The following ASH1L variants were observed in gnomAD, a reference collection of about 807,000 sequenced individuals.
ASH1L encodes the protein ASH1 like histone lysine methyltransferase, also known as histone-lysine N-methyltransferase ASH1L.
ASH1L carries 23 observed loss-of-function variants against 269.0 expected under a neutral mutation model. The ratio of observed to expected loss-of-function variants is 0.09; its 90% confidence interval spans 0.06 to 0.12. The LOEUF (loss-of-function observed/expected upper bound fraction) is 0.12. Among genes scored for constraint, ASH1L ranks in the 10% least tolerant of loss-of-function variants. ASH1L has a pLI of 1.00. For synonymous variants in ASH1L, 1,187 were observed against 1,253.5 expected (o/e 0.95, Z 1.12); for missense variants, 2,912 against 3,567.8 (o/e 0.82, Z 4.68).
At position 155,476,793 on chromosome 1, in the gene ASH1L, T is replaced by C. The variant is rs571784436; in HGVS notation, c.4984+1093A>G. Among the ~76,000 whole-genome samples the C allele has an allele frequency of 1.1e-4, 16 of 152,112 alleles. No homozygotes were observed. In the South Asian group the frequency reaches 3.3e-3, roughly 32 times the overall value. On this transcript the variant is annotated intron_variant, in intron 3 of 27. Coordinates refer to ENST00000392403, the MANE Select transcript of ASH1L (RefSeq NM_018489.3). The stretch of plus-strand genomic sequence containing the variant: ...TGGTCTCGATCTCTTGACCTCATGA[T>C]CCGCCCACCTCGGCCTCCCAAAGCA...
chr1:155,553,847 A>C (rs1042561369), intron 1 of ASH1L, among the ~76,000 whole-genome samples: 1 of 150,916 alleles, frequency 6.6e-6, no homozygotes, highest in Admixed American at 6.6e-5. Context: ...CCCAGGCAGG[A>C]GTGCAGTGGC....
Position 155,521,157 on chromosome 1 carries a change from T to C in ASH1L, c.363A>G (p.Lys121=). The C allele has an allele frequency of 6.2e-7, 1 of 1,611,206 alleles. No homozygotes were observed. The highest frequency in any genetic ancestry group is 1.3e-5 in the African/African-American group (1 of 74,808). The change falls in exon 2 of 28, where the codon AAA becomes AAG. Residue 121 remains lysine (K), a synonymous_variant. Transcript: ENST00000392403. The stretch of plus-strand genomic sequence containing the variant: ...CCGTCATCTTTCCACTTTTAAGTGC[T>C]TTCCTTGGGTGCTTAATAGTTGTTT... ...AIKTTIKHPR[K]ALKSGKMTDE...
intron 2 of ASH1L, among the ~76,000 whole-genome samples, chr1:155,497,336 A>G (rs1367710026): frequency 3.3e-5 from 5 of 152,210 alleles, no homozygotes; most frequent in African/African-American, 1.2e-4. Context: ...CTTGAACAAC[A>G]AAAGTTTGAA....
rs1652863996 is a variant in ASH1L, at chr1:155,342,017, G to A, written c.8379C>T (p.His2793=). 3 of 1,614,076 alleles carry A rather than the reference G, an allele frequency of 1.9e-6. No homozygotes were observed. Among genetic ancestry groups the A allele is most frequent in the East Asian group, 4.5e-5 (2 of 44,878 alleles). The change falls in exon 25 of 28, where the codon CAC becomes CAT. Residue 2793 remains histidine (H), a synonymous_variant. Coordinates refer to ENST00000392403, the MANE Select transcript of ASH1L (RefSeq NM_018489.3). ...TGGTGCAGACAGGATAGCGGTTCCG[G>A]TGGATCTTGTAAAACAGGTGTGCTG... The part of the protein sequence containing the change: ...DKSAHLFYKI[H]RNRYPVCTKP...
rs73008957 is a variant in ASH1L, at chr1:155,374,685, T to C, written c.6332+3596A>G. Among the ~76,000 whole-genome samples the C allele has an allele frequency of 3.8e-3, 582 of 152,330 alleles. 2 individuals carry two copies. Among genetic ancestry groups the C allele is most frequent in the Middle Eastern group, 0.014 (4 of 294 alleles). On this transcript the variant is annotated intron_variant, in intron 10 of 27. Coordinates refer to ENST00000392403, the MANE Select transcript of ASH1L (RefSeq NM_018489.3). ...TTTTATGATACTGGATTTCCCACCT[T>C]GCCAATACCAATTCCTGTCTTTTCT...
chr1:155,533,824 C>T (rs1669858150), intron 1 of ASH1L, among the ~76,000 whole-genome samples: 1 of 151,984 alleles, frequency 6.6e-6, no homozygotes. Context: ...TTCTATGATA[C>T]ATTCTACTGG....
intron 1 of ASH1L, among the ~76,000 whole-genome samples, chr1:155,547,245 T>C (rs1670893855): frequency 6.6e-6 from 1 of 150,864 alleles, no homozygotes; most frequent in Admixed American, 6.6e-5. Flanking sequence ...ATATTCTTAA[T>C]GAGGGCCATG....
chr1:155,350,091 A>G (rs6659005), intron 17 of ASH1L, among the ~76,000 whole-genome samples: 152,034 of 152,044 alleles, frequency 1, 76,012 homozygotes, highest in Non-Finnish European at 1. Flanking sequence ...AGGTTTCACC[A>G]TGTTAGCCAG....
At chr1:155,533,396 C>A (rs1669822927) in intron 1 of ASH1L, among the ~76,000 whole-genome samples, 1 of 152,124 alleles carries the variant, frequency 6.6e-6, no homozygotes, top group African/African-American at 2.4e-5. Flanking sequence ...CTCCTCTTAA[C>A]CACTATGCTT....
intron 2 of ASH1L, among the ~76,000 whole-genome samples, chr1:155,509,746 C>A (rs1668044393): frequency 6.6e-6 from 1 of 152,082 alleles, no homozygotes; most frequent in African/African-American, 2.4e-5. Flanking sequence ...TTGCAGTGAG[C>A]CGAGACTGCA....
chr1:155,342,846 T>C (rs1279104678), intron 24 of ASH1L, among the ~76,000 whole-genome samples: 3 of 152,116 alleles, frequency 2.0e-5, no homozygotes, highest in African/African-American at 7.2e-5. Flanking sequence ...TAAAAAAGAA[T>C]AAACTTTTAT....
intron 5 of ASH1L, chr1:155,433,236 G>A: frequency 2.6e-6 from 4 of 1,550,910 alleles, no homozygotes; most frequent in Non-Finnish European, 3.5e-6. Context: ...GGCGGTGGAG[G>A]TGATGGGCCA....
At chr1:155,383,272 GT>G (rs1367178655) in intron 7 of ASH1L, among the ~76,000 whole-genome samples, 1 of 152,118 alleles carries the variant, frequency 6.6e-6, no homozygotes, top group Non-Finnish European at 1.5e-5. Context: ...AGTGTGCAGT[GT>G]TTATAAAATC....
chr1:155,502,093 C>CAT (rs1298137692), intron 2 of ASH1L, among the ~76,000 whole-genome samples: 1 of 121,888 alleles, frequency 8.2e-6, no homozygotes, highest in African/African-American at 3.0e-5. Context: ...TTTTTTGAGA[C>CAT]AGAGTCTCAC....
chr1:155,486,626 G>A (rs1666345000), intron 2 of ASH1L, among the ~76,000 whole-genome samples: 1 of 152,046 alleles, frequency 6.6e-6, no homozygotes, highest in Non-Finnish European at 1.5e-5. Flanking sequence ...CACACTGCAT[G>A]CCTGTATCAA....
At chr1:155,528,580 T>C (rs1217043830) in intron 1 of ASH1L, among the ~76,000 whole-genome samples, 1 of 152,174 alleles carries the variant, frequency 6.6e-6, no homozygotes, top group Non-Finnish European at 1.5e-5. Context: ...CTGGCAGACT[T>C]GCCTCTTACT....
At chr1:155,352,561 T>G in intron 17 of ASH1L, 145 bp downstream of exon 17, 1 of 691,122 alleles carries the variant, frequency 1.4e-6, no homozygotes. Flanking sequence ...TCCCAGCACT[T>G]TGGGAGGCCT....
At chr1:155,410,600 A>T (rs765825164) in intron 6 of ASH1L, among the ~76,000 whole-genome samples, 19 of 152,136 alleles carry the variant, frequency 1.2e-4, no homozygotes, top group Non-Finnish European at 2.6e-4. Flanking sequence ...CCAGCCGCCT[A>T]AAGTGCTGGG....
chr1:155,482,564 T>C (rs899325080), intron 2 of ASH1L, 115 bp from the exon 3 acceptor site: 14 of 1,164,754 alleles, frequency 1.2e-5, no homozygotes, highest in Non-Finnish European at 1.7e-5. Context: ...TAGGCAACAG[T>C]GGTTTTTAAA....
Sources: allele counts gnomAD v4.1 joint callset (sites outside exome capture counted in the v4.1 genomes callset), GRCh38; gene constraint gnomAD v4.1.1; transcripts MANE v1.5; gene names NCBI Gene and HGNC (gene_info 2026-07-23, HGNC 2026-07-21).